The following DHX29 variants were observed in gnomAD, a reference collection of about 807,000 sequenced individuals.
DHX29 encodes the protein DExH-box helicase 29, also known as ATP-dependent RNA helicase DHX29.
A neutral mutation model predicts 167.9 loss-of-function variants in DHX29; 79 were observed. The observed-to-expected ratio is 0.47, with a 90% CI of 0.39 to 0.57. The LOEUF (loss-of-function observed/expected upper bound fraction) is 0.57, where lower values mean the gene tolerates loss of function less well. Ranked by LOEUF, DHX29 falls within the 20% of genes least tolerant of loss-of-function variation. The pLI is 0.00. For missense variants in DHX29, 1,347 were observed against 1,593.4 expected (o/e 0.85, Z 2.63); for synonymous variants, 530 against 546.0 (o/e 0.97, Z 0.41).
At chr5:55,305,046 T>C (rs2111991100) in intron 1 of DHX29, among the ~76,000 whole-genome samples, 1 of 152,378 alleles carries the variant, frequency 6.6e-6, no homozygotes, top group Middle Eastern at 3.4e-3. Flanking sequence ...CCTTACCAGT[T>C]ATCCAAGTAA....
At chr5:55,295,008 A>G (rs1748240912) in intron 5 of DHX29, 2 of 168,718 alleles carry the variant, frequency 1.2e-5, no homozygotes, top group Non-Finnish European at 2.5e-5. Context: ...ATGTGAGGAA[A>G]CCCAAGCTAG....
chr5:55,263,226 C>T (rs971203605), intron 23 of DHX29, among the ~76,000 whole-genome samples: 1 of 152,112 alleles, frequency 6.6e-6, no homozygotes, highest in Non-Finnish European at 1.5e-5. Context: ...CATCTACTTC[C>T]ATAGTAGCTC....
chr5:55,277,673 AC>A (rs1459113187), intron 12 of DHX29, among the ~76,000 whole-genome samples: 1 of 152,112 alleles, frequency 6.6e-6, no homozygotes, highest in African/African-American at 2.4e-5. Context: ...TAGGAGGCCG[AC>A]GCGGGCGGAT....
At chr5:55,272,801 AG>A (rs112119340) in intron 17 of DHX29, among the ~76,000 whole-genome samples, 13 of 152,304 alleles carry the variant, frequency 8.5e-5, no homozygotes, top group African/African-American at 3.1e-4. Flanking sequence ...GAGACAGCTT[AG>A]CACAACCCTT....
At chr5:55,295,101 T>C (rs780260299) in intron 5 of DHX29, 3 of 276,826 alleles carry the variant, frequency 1.1e-5, no homozygotes, top group African/African-American at 2.2e-5. Flanking sequence ...ACTTTGGATG[T>C]TCCAGCCTTG....
Position 55,275,454 on chromosome 5 carries a change from C to T in DHX29, c.2428-444G>A, listed in dbSNP as rs1250450272. On this transcript the variant is annotated intron_variant, in intron 14 of 26. Transcript: ENST00000251636. ...GAAATAACTATATTCTAAAGTCTTT[C>T]TTTAGTTTGTAATTTTTACCTCTGG... Among the ~76,000 whole-genome samples, 5 of 152,048 alleles carry T rather than the reference C, an allele frequency of 3.3e-5. No homozygotes were observed. The East Asian group carries it at 9.6e-4, about 29-fold the overall frequency.
At chr5:55,305,919 GGAGT>G (rs1172585412) in intron 1 of DHX29, among the ~76,000 whole-genome samples, 2 of 152,150 alleles carry the variant, frequency 1.3e-5, no homozygotes, top group Non-Finnish European at 1.5e-5. Context: ...AAGGGCTTTA[GGAGT>G]GAACTATACT....
intron 1 of DHX29, among the ~76,000 whole-genome samples, chr5:55,299,490 A>G (rs1748495027): frequency 6.6e-6 from 1 of 152,176 alleles, no homozygotes; most frequent in African/African-American, 2.4e-5. Context: ...GGCTGAATAC[A>G]GCAGAAATTT....
intron 21 of DHX29, 52 bp from the exon 22 acceptor site, chr5:55,267,874 G>A (rs765125349): frequency 2.6e-5 from 36 of 1,393,252 alleles, no homozygotes; most frequent in Non-Finnish European, 3.1e-5. Flanking sequence ...GAGCAATACA[G>A]TGAAAGTTAA....
chr5:55,292,886 C>A (rs1225830623), intron 6 of DHX29, among the ~76,000 whole-genome samples: 3 of 152,104 alleles, frequency 2.0e-5, no homozygotes, highest in Non-Finnish European at 4.4e-5. Flanking sequence ...TCAGAAGAGA[C>A]CTCTTCTTTC....
At position 55,289,296 on chromosome 5, in the gene DHX29, G is replaced by C. The variant is rs1479167901; in HGVS notation, c.1040C>G (p.Ser347Cys). 3 of 1,576,300 alleles carry C rather than the reference G, an allele frequency of 1.9e-6. No individual in the cohort carries two copies. The highest frequency in any genetic ancestry group is 2.4e-5 in the South Asian group (2 of 83,126). ...TTTCTCTTCTTCAGTAGCAGCTGCA[G>C]ATTTTTCAAATAAATTAAAATTCAA... ...SALNFNLFEK[S>C]AAATEEEKDK... Residue 347 changes from serine (S) to cysteine (C), a missense_variant, in exon 8 of 27, where the codon TCT becomes TGT. Ser to Cys is a moderately radical substitution (Grantham distance 112). Coordinates refer to ENST00000251636, the MANE Select transcript of DHX29 (RefSeq NM_019030.4).
intron 1 of DHX29, among the ~76,000 whole-genome samples, chr5:55,304,291 T>C (rs904430439): frequency 6.6e-6 from 1 of 151,326 alleles, no homozygotes; most frequent in Non-Finnish European, 1.5e-5. Context: ...CCTGCCTCCT[T>C]TGCTTGCTCA....
intron 26 of DHX29, among the ~76,000 whole-genome samples, 170 bp from the exon 27 acceptor site, chr5:55,256,710 T>C (rs986154388): frequency 6.6e-5 from 10 of 152,178 alleles, no homozygotes; most frequent in African/African-American, 2.4e-4. Flanking sequence ...TTGCCCTACA[T>C]AGATTTTATT....
At position 55,267,778 on chromosome 5, in the gene DHX29, T is replaced by C; in HGVS notation, c.3339A>G (p.Thr1113=). ...CTGCTTCATCTTTTCGACCAATTGG[T>C]GTGGTAAAAGGAGACTTCTCTGTCA... The part of the protein sequence containing the change: ...AVMTEKSPFT[T]PIGRKDEADL... Residue 1113 remains threonine, a synonymous_variant, in exon 22 of 27, where the codon ACA becomes ACG. Transcript: ENST00000251636. The C allele has an allele frequency of 6.2e-7, 1 of 1,609,040 alleles. No homozygotes were observed. The highest frequency in any genetic ancestry group is 8.5e-7 in the Non-Finnish European group (1 of 1,177,258).
intron 10 of DHX29, among the ~76,000 whole-genome samples, chr5:55,284,249 A>G (rs1029601632): frequency 6.6e-6 from 1 of 152,212 alleles, no homozygotes; most frequent in African/African-American, 2.4e-5. Context: ...CTACTGAACA[A>G]ATGTCTATTA....
intron 4 of DHX29, 131 bp downstream of exon 4, chr5:55,296,089 A>C: frequency 1.0e-6 from 1 of 962,230 alleles, no homozygotes; most frequent in East Asian, 2.8e-5. Context: ...AAAAGAACAG[A>C]AGGTAAGAAC....
intron 8 of DHX29, among the ~76,000 whole-genome samples, chr5:55,287,821 C>T (rs1747816521): frequency 1.3e-5 from 2 of 151,094 alleles, no homozygotes; most frequent in South Asian, 4.2e-4. Flanking sequence ...TGGTGGCACA[C>T]GCCTGTAATC....
rs1024636083 is a variant in DHX29 at position 55,276,488 on chromosome 5, C to T, written c.2287-82G>A. ...TTTTAAAGAGAACAGGGGACACCAC[C>T]TTTTGAATGTCACCAAATGTTAATT... On this transcript the variant is annotated intron_variant, in intron 13 of 26. Transcript: ENST00000251636. 8 of 1,052,418 alleles carry T rather than the reference C, an allele frequency of 7.6e-6. No individual in the cohort carries two copies. The African/African-American group carries it at 1.2e-4, about 15-fold the overall frequency. The allele number at this position is 1,052,418 out of a possible 1,614,324, so 65.2% of individuals were successfully genotyped here.
At chr5:55,290,186 A>G in intron 7 of DHX29, 32 bp downstream of exon 7, 1 of 1,591,908 alleles carries the variant, frequency 6.3e-7, no homozygotes, top group Non-Finnish European at 8.5e-7. Flanking sequence ...AGACAATTAC[A>G]TTTATACATC....
Sources: gnomAD v4.1 joint callset for allele counts (sites outside exome capture counted in the v4.1 genomes callset) on GRCh38, gnomAD v4.1.1 for gene constraint, MANE v1.5 for transcripts, NCBI Gene and HGNC (gene_info 2026-07-23, HGNC 2026-07-21) for gene names.